The following PCCA variants were observed in gnomAD, a reference collection of about 807,000 sequenced individuals.
PCCA encodes the protein propionyl-CoA carboxylase subunit alpha.
A neutral mutation model predicts 101.3 loss-of-function variants in PCCA; 74 were observed. The ratio of observed to expected loss-of-function variants is 0.73; its 90% CI spans 0.61 to 0.89. The LOEUF is 0.89. PCCA is among the 40% of genes least tolerant of loss of function. PCCA has a pLI of 0.00. For synonymous variants in PCCA, 294 were observed against 313.6 expected (o/e 0.94, Z 0.66); for missense variants, 891 against 907.0 (o/e 0.98, Z 0.23).
At chr13:100,393,133 G>C (rs1484102953) in intron 19 of PCCA, among the ~76,000 whole-genome samples, 1 of 152,120 alleles carries the variant, frequency 6.6e-6, no homozygotes, top group South Asian at 2.1e-4. Context: ...AATTTCTCCT[G>C]CTTATGGGTT....
chr13:100,141,159 T>A (rs2051822620), intron 4 of PCCA, among the ~76,000 whole-genome samples: 1 of 152,130 alleles, frequency 6.6e-6, no homozygotes, highest in Admixed American at 6.5e-5. Flanking sequence ...ACATTCAAGA[T>A]CCATTCAAGT....
chr13:100,150,984 T>C, intron 4 of PCCA: 1 of 1,519,214 alleles, frequency 6.6e-7, no homozygotes, highest in Non-Finnish European at 9.1e-7. Context: ...CGGAGAGCCC[T>C]GTGGAGAGCA....
chr13:100,445,567 T>C (rs1432757618), intron 20 of PCCA, among the ~76,000 whole-genome samples: 1 of 152,166 alleles, frequency 6.6e-6, no homozygotes, highest in Non-Finnish European at 1.5e-5. Flanking sequence ...TGGGTTTTGA[T>C]TAATATTTCC....
At chr13:100,488,886 AC>A (rs1293126941) in intron 21 of PCCA, among the ~76,000 whole-genome samples, 1 of 151,500 alleles carries the variant, frequency 6.6e-6, no homozygotes, top group African/African-American at 2.4e-5. Flanking sequence ...CCACTCCCTT[AC>A]CCCCACTTTT....
intron 20 of PCCA, among the ~76,000 whole-genome samples, chr13:100,444,404 A>C (rs1595921129): frequency 9.5e-6 from 1 of 104,886 alleles, no homozygotes; most frequent in Admixed American, 1.1e-4. Flanking sequence ...GGATTTCACC[A>C]TGTTGGCCAG....
chr13:100,206,883 AG>A (rs1335802162), intron 6 of PCCA, among the ~76,000 whole-genome samples: 1 of 152,150 alleles, frequency 6.6e-6, no homozygotes, highest in African/African-American at 2.4e-5. Flanking sequence ...ATCCCCATAG[AG>A]AAAAGGACGC....
chr13:100,314,918 T>G, intron 16 of PCCA, among the ~76,000 whole-genome samples: 1 of 152,280 alleles, frequency 6.6e-6, no homozygotes, highest in Non-Finnish European at 1.5e-5. Flanking sequence ...TTGAATAAGG[T>G]CTGGAGATGA....
intron 21 of PCCA, among the ~76,000 whole-genome samples, chr13:100,452,827 G>T (rs1849200694): frequency 6.6e-6 from 1 of 152,160 alleles, no homozygotes. Context: ...CTTGGAGGAG[G>T]TATTCAGTCA....
rs2152478899 is a variant in PCCA, at chr13:100,209,462, A to T, written c.599A>T (p.Lys200Met). ...NTIPGFDGVV[K>M]DAEEAVRIAR... ...ATCCCTGGCTTTGATGGAGTAGTCA[A>T]GGTGAGAAGCTACTTTAACTTTTAT... The change falls in exon 7 of 24, where the codon AAG becomes ATG. Residue 200 changes from lysine to methionine, a missense_variant and splice_region_variant. By Grantham distance (95) the Lys-to-Met change is moderately conservative (BLOSUM62 -1). Transcript: ENST00000376285. The T allele has an allele frequency of 6.2e-7, 1 of 1,612,240 alleles. No homozygotes were observed. Among genetic ancestry groups the T allele is most frequent in the Middle Eastern group, 1.7e-4 (1 of 6,054 alleles).
chr13:100,348,850 T>TC (rs1566977222), intron 18 of PCCA, among the ~76,000 whole-genome samples: 15 of 56,982 alleles, frequency 2.6e-4, no homozygotes, highest in Non-Finnish European at 4.8e-4. Flanking sequence ...TCTCTTTCTC[T>TC]CTTCCTCCCT....
At chr13:100,212,571 G>A (rs534887248) in intron 7 of PCCA, among the ~76,000 whole-genome samples, 1 of 151,966 alleles carries the variant, frequency 6.6e-6, no homozygotes, top group Non-Finnish European at 1.5e-5. Flanking sequence ...TTCTTTGCCC[G>A]TACTAACCAA....
intron 20 of PCCA, among the ~76,000 whole-genome samples, chr13:100,441,926 C>G (rs1292873597): frequency 1.3e-5 from 2 of 151,858 alleles, no homozygotes; most frequent in Non-Finnish European, 2.9e-5. Flanking sequence ...GAAATAAATT[C>G]CAGTTCTGAG....
chr13:100,521,327 G>T (rs1178466916), intron 22 of PCCA, among the ~76,000 whole-genome samples: 1 of 152,232 alleles, frequency 6.6e-6, no homozygotes, highest in African/African-American at 2.4e-5. Context: ...GTCCCGAGCC[G>T]GCAGCGGGGC....
chr13:100,266,191 G>C (rs968733716), intron 10 of PCCA, among the ~76,000 whole-genome samples: 9 of 152,106 alleles, frequency 5.9e-5, no homozygotes, highest in Admixed American at 1.3e-4. Flanking sequence ...GTTGAATTTC[G>C]TAACAGGCCA....
At chr13:100,318,556 C>T (rs1321861562) in intron 16 of PCCA, among the ~76,000 whole-genome samples, 3 of 148,476 alleles carry the variant, frequency 2.0e-5, no homozygotes, top group Non-Finnish European at 3.0e-5. Context: ...TGTTCAGTTC[C>T]CACCTATGAG....
chr13:100,219,822 C>T (rs979345215), intron 7 of PCCA, among the ~76,000 whole-genome samples: 3 of 152,134 alleles, frequency 2.0e-5, no homozygotes, highest in African/African-American at 7.2e-5. Context: ...GTAATTTCTT[C>T]TTACAATCTC....
chr13:100,224,357 C>T (rs895709431), intron 7 of PCCA, among the ~76,000 whole-genome samples: 17 of 152,364 alleles, frequency 1.1e-4, no homozygotes, highest in Admixed American at 9.1e-4. Flanking sequence ...CGGGGCCTGC[C>T]AAGCCCACGC....
intron 18 of PCCA, among the ~76,000 whole-genome samples, chr13:100,345,689 T>C (rs532840970): frequency 3.3e-5 from 5 of 152,336 alleles, no homozygotes; most frequent in South Asian, 2.1e-4. Flanking sequence ...CAGCCTTCTA[T>C]TGAAAGAAGA....
At chr13:100,435,816 G>A (rs1222533668) in intron 20 of PCCA, among the ~76,000 whole-genome samples, 1 of 152,202 alleles carries the variant, frequency 6.6e-6, no homozygotes, top group East Asian at 1.9e-4. Flanking sequence ...GGCCGAGGCA[G>A]GTGGATCACC....
Sources: allele counts gnomAD v4.1 joint callset (sites outside exome capture counted in the v4.1 genomes callset), GRCh38; gene constraint gnomAD v4.1.1; transcripts MANE v1.5; gene names NCBI Gene and HGNC (gene_info 2026-07-23, HGNC 2026-07-21).